The following MYO9A variants were observed in gnomAD, a reference collection of about 807,000 sequenced individuals.
MYO9A encodes myosin IXA.
In MYO9A, 103 loss-of-function variants were observed where a neutral mutation model predicts 293.3. The ratio of observed to expected loss-of-function variants is 0.35; its 90% confidence interval spans 0.30 to 0.41. The LOEUF is 0.41. Among genes scored for constraint, MYO9A ranks in the 10% least tolerant of loss-of-function variants. MYO9A has a pLI of 1.00. For synonymous variants in MYO9A, 1,001 were observed against 1,035.7 expected, an observed-to-expected ratio of 0.97 and a Z score of 0.64; for missense variants, 2,685 against 3,033.0, an observed-to-expected ratio of 0.89 and a Z score of 2.69.
At chr15:71,889,311 T>C (rs1213861470) in intron 26 of MYO9A, among the ~76,000 whole-genome samples, 1 of 152,084 alleles carries the variant, frequency 6.6e-6, no homozygotes, top group Non-Finnish European at 1.5e-5. Context: ...AGGTCAGTAA[T>C]AGTGTCTATG....
At chr15:71,978,467 T>C (rs890862379) in intron 11 of MYO9A, among the ~76,000 whole-genome samples, 175 bp from the exon 12 acceptor site, 2 of 152,206 alleles carry the variant, frequency 1.3e-5, no homozygotes, top group African/African-American at 4.8e-5. Context: ...ACGTATTTGT[T>C]TTCTCTTAAA....
intron 7 of MYO9A, among the ~76,000 whole-genome samples, chr15:72,009,245 A>G (rs1425425032): frequency 6.6e-6 from 1 of 152,188 alleles, no homozygotes; most frequent in Non-Finnish European, 1.5e-5. Flanking sequence ...TATGTCACCA[A>G]TTGAGTTGGT....
At position 71,830,116 on chromosome 15, in the gene MYO9A, T is replaced by C; in HGVS notation, c.7033A>G (p.Lys2345Glu). ...TTCCTCCTGGATACTCACTTCTCCT[T>C]CTGTAGGTTCTCAATCTGCTCAGTC... ...VLTEQIENLQ[K>E]EKEELTFEML... is the part of the protein sequence containing the mutation. Residue 2345 changes from lysine to glutamate, a missense_variant, in exon 40 of 42, where the codon AAG (lysine) becomes GAG (glutamate). Transcript: ENST00000356056. 1 of 1,613,996 alleles carries C rather than the reference T, an allele frequency of 6.2e-7. No individual in the cohort carries two copies. Among genetic ancestry groups the C allele is most frequent in the Non-Finnish European group, 8.5e-7 (1 of 1,179,910 alleles).
intron 1 of MYO9A, among the ~76,000 whole-genome samples, chr15:72,090,446 T>C (rs1363794561): frequency 6.6e-6 from 1 of 152,216 alleles, no homozygotes; most frequent in African/African-American, 2.4e-5. Context: ...GATTGCTTTA[T>C]AGACAAGTGC....
At position 71,933,694 on chromosome 15, in the gene MYO9A, G is replaced by A; in HGVS notation, c.2538C>T (p.Phe846=). ...CCTTTGGAAGGGCAGGCTTGGATTT[G>A]AAATTTTTGTTTCTCCTATAGAGAT... is the stretch of plus-strand genomic sequence containing the variant. ...AHGILTRNKN[F]KSKPALPKHL... The change falls in exon 18 of 42, where the codon TTC becomes TTT. Residue 846 remains phenylalanine (F), a synonymous_variant. Transcript: ENST00000356056. The A allele has an allele frequency of 1.3e-6, 2 of 1,569,898 alleles. No homozygotes were observed. Among genetic ancestry groups the A allele is most frequent in the South Asian group, 2.2e-5 (2 of 88,908 alleles).
At chr15:71,953,699 T>C (rs2059110873) in intron 14 of MYO9A, 2 of 152,196 alleles carry the variant, frequency 1.3e-5, no homozygotes, top group African/African-American at 2.4e-5. Flanking sequence ...TTCTGCTTTC[T>C]ATACCTTTTT....
At position 71,829,963 on chromosome 15, in the gene MYO9A, G is replaced by A. The variant is rs912759773; in HGVS notation, c.7040+146C>T. The A allele has an allele frequency of 7.6e-5, 68 of 891,994 alleles. No homozygotes were observed. The East Asian group carries it at 1.1e-3, about 15-fold the overall frequency. 55.3% of individuals were successfully genotyped at this position (891,994 alleles called of 1,614,324 possible). A position where few individuals can be genotyped will look rare whatever the true frequency, so the allele number is the denominator to read the frequency against. On this transcript the variant is annotated intron_variant, in intron 40 of 41. Transcript: ENST00000356056. ...ACTGTTACCTGAGTATAGACAACACGTCTTTGTCATCTCAACATCTCCTGT... is the reference window on the plus strand; with the variant it reads ...ACTGTTACCTGAGTATAGACAACACATCTTTGTCATCTCAACATCTCCTGT...
chr15:72,069,686 G>T (rs1013614164), intron 1 of MYO9A, among the ~76,000 whole-genome samples: 8 of 152,072 alleles, frequency 5.3e-5, no homozygotes, highest in African/African-American at 1.9e-4. Flanking sequence ...AGTAAATATA[G>T]GAGCAAAGTA....
At chr15:71,885,822 T>G (rs1435157072) in intron 27 of MYO9A, among the ~76,000 whole-genome samples, 1 of 152,174 alleles carries the variant, frequency 6.6e-6, no homozygotes, top group Non-Finnish European at 1.5e-5. Context: ...ATTGGGTCAT[T>G]GGATCTCCTG....
chr15:71,863,613 G>T (rs1036657464), intron 32 of MYO9A, among the ~76,000 whole-genome samples: 3 of 152,014 alleles, frequency 2.0e-5, no homozygotes, highest in Non-Finnish European at 4.4e-5. Context: ...AGAAAATCTA[G>T]CTTAATACAG....
At chr15:71,939,508 A>G (rs911888751) in intron 15 of MYO9A, among the ~76,000 whole-genome samples, 8 of 152,186 alleles carry the variant, frequency 5.3e-5, no homozygotes, top group Non-Finnish European at 1.2e-4. Flanking sequence ...CTCCAGCTCC[A>G]TCCATGTTCC....
At chr15:72,115,110 GT>G (rs779768545) in intron 1 of MYO9A, among the ~76,000 whole-genome samples, 11 of 152,320 alleles carry the variant, frequency 7.2e-5, no homozygotes, top group Non-Finnish European at 1.3e-4. Context: ...ATATTAGATA[GT>G]GAATCTCACT....
intron 2 of MYO9A, among the ~76,000 whole-genome samples, chr15:72,038,904 A>G (rs2078143006): frequency 6.6e-6 from 1 of 152,128 alleles, no homozygotes; most frequent in South Asian, 2.1e-4. Context: ...TGTTTGTTTT[A>G]CAGCATGTAT....
chr15:72,102,973 T>G (rs929890978), intron 1 of MYO9A, among the ~76,000 whole-genome samples: 9 of 149,656 alleles, frequency 6.0e-5, no homozygotes, highest in Non-Finnish European at 1.2e-4. Flanking sequence ...ATATATGGTT[T>G]TTTTTGTTGT....
chr15:72,057,022 G>A (rs1412369895), intron 1 of MYO9A, among the ~76,000 whole-genome samples: 3 of 152,096 alleles, frequency 2.0e-5, no homozygotes, highest in African/African-American at 7.2e-5. Context: ...CAGGAGAATT[G>A]CTTGAACCTG....
Position 71,852,257 on chromosome 15 carries a change from G to C in MYO9A, c.6350C>G (p.Ala2117Gly). The change falls in exon 36 of 42, where the codon GCT becomes GGT. Residue 2117 changes from alanine to glycine, a missense_variant. Around this residue, in one of 10 missense-constraint regions of MYO9A, gnomAD observed 238 missense variants for 269.1 expected, o/e 0.88. Transcript: ENST00000356056. ...KELRQGLDTDAESVNLDDYNI... is the reference protein window; with the variant it reads ...KELRQGLDTDGESVNLDDYNI... ...ATAGTCATCTAGATTTACACTCTCA[G>C]CATCTATTTAGAGACAAGAGTTAGA... 5 of 1,606,096 alleles carry C rather than the reference G, an allele frequency of 3.1e-6. No homozygotes were observed. The highest frequency in any genetic ancestry group is 4.3e-6 in the Non-Finnish European group (5 of 1,174,514).
intron 18 of MYO9A, among the ~76,000 whole-genome samples, chr15:71,925,111 G>A (rs1322796827): frequency 2.0e-5 from 3 of 150,856 alleles, no homozygotes; most frequent in Non-Finnish European, 4.4e-5. Context: ...TTACAGTATT[G>A]CTATCTCTCT....
intron 6 of MYO9A, among the ~76,000 whole-genome samples, chr15:72,011,146 A>T (rs541573331): frequency 2.3e-4 from 35 of 151,678 alleles, no homozygotes; most frequent in Non-Finnish European, 4.4e-4. Context: ...AGCAACTGGA[A>T]CTACCCAGCT....
At chr15:72,029,103 GCA>G (rs2077779437) in intron 3 of MYO9A, among the ~76,000 whole-genome samples, 1 of 152,206 alleles carries the variant, frequency 6.6e-6, no homozygotes. Context: ...TGAGTACACA[GCA>G]CAGAGTAAAC....
Sources: allele counts gnomAD v4.1 joint callset (sites outside exome capture counted in the v4.1 genomes callset), GRCh38; gene constraint gnomAD v4.1.1; regional missense constraint gnomAD v4.1.1; transcripts MANE v1.5; gene names NCBI Gene and HGNC (gene_info 2026-07-23, HGNC 2026-07-21).